The following DIABLO variants were observed in gnomAD, a reference collection of about 807,000 sequenced individuals.
DIABLO encodes the protein diablo IAP-binding mitochondrial protein.
DIABLO carries 32 observed loss-of-function variants against 31.7 expected under a neutral mutation model. That is an observed-to-expected ratio of 1.01 (90% CI 0.76 to 1.35). The LOEUF (loss-of-function observed/expected upper bound fraction) is 1.35, where lower values mean the gene tolerates loss of function less well. DIABLO is among the 40% of genes most tolerant of loss of function. The pLI is 0.00. For synonymous variants in DIABLO, 132 were observed against 103.2 expected (o/e 1.28, Z -1.69); for missense variants, 316 against 286.4 (o/e 1.10, Z -0.75).
chr12:122,210,786 GT>G (rs1365038094), intron 5 of DIABLO, among the ~76,000 whole-genome samples: 2 of 152,008 alleles, frequency 1.3e-5, no homozygotes, highest in Non-Finnish European at 2.9e-5. Flanking sequence ...AGGGGGCAAA[GT>G]TTTATATTTA....
At position 122,211,995 on chromosome 12, in the gene DIABLO, AT is replaced by A. The variant is rs34540420; in HGVS notation, c.524-3419del. ...ACTGATGTTTGAAATTATTCCTATA[AT>A]TTTTTTTTTTTTTTTTTAAATTACA... On this transcript the variant is annotated intron_variant, in intron 5 of 5. Coordinates refer to ENST00000464942, the MANE Select transcript of DIABLO (RefSeq NM_001371333.1). Among the ~76,000 whole-genome samples the A allele has an allele frequency of 4.1e-3, 579 of 139,708 alleles. 2 individuals carry two copies. Among genetic ancestry groups the A allele is most frequent in the Middle Eastern group, 7.5e-3 (2 of 268 alleles). 91.7% of individuals were successfully genotyped at this position (139,708 alleles called of 152,430 possible).
At chr12:122,223,433 TA>T (rs34214105) in intron 2 of DIABLO, among the ~76,000 whole-genome samples, 2,079 of 139,800 alleles carry the variant, frequency 0.015, 15 homozygotes, top group African/African-American at 0.035. Flanking sequence ...ACTCTGTCTT[TA>T]AAAAAAAAAA....
intron 2 of DIABLO, chr12:122,221,460 G>A (rs548579373): frequency 2.0e-5 from 3 of 152,304 alleles, no homozygotes; most frequent in East Asian, 3.9e-4. Context: ...CCAGGATGGA[G>A]TATAGTGTTG....
intron 2 of DIABLO, among the ~76,000 whole-genome samples, chr12:122,220,029 C>T (rs1260049950): frequency 5.3e-5 from 8 of 151,186 alleles, no homozygotes; most frequent in East Asian, 2.0e-4. Context: ...TTGCAACCTC[C>T]GCCTCCTGGG....
intron 3 of DIABLO, chr12:122,217,234 C>T (rs535260376): frequency 1.0e-5 from 3 of 299,186 alleles, no homozygotes; most frequent in Middle Eastern, 1.2e-3. Flanking sequence ...TTTTATTGGC[C>T]GGGTGCAGTG....
chr12:122,210,546 TA>T (rs199514169), intron 5 of DIABLO, among the ~76,000 whole-genome samples: 16 of 151,248 alleles, frequency 1.1e-4, no homozygotes, highest in East Asian at 2.0e-4. Flanking sequence ...TTTATTTATT[TA>T]TTTTTTTTAT....
At chr12:122,211,202 C>T (rs1313393848) in intron 5 of DIABLO, among the ~76,000 whole-genome samples, 1 of 147,984 alleles carries the variant, frequency 6.8e-6, no homozygotes, top group African/African-American at 2.5e-5. Flanking sequence ...GAGTTCGAGA[C>T]TAGCCTGGGC....
chr12:122,224,956 A>G (rs967327606), intron 1 of DIABLO: 1 of 706,870 alleles, frequency 1.4e-6, no homozygotes, highest in Non-Finnish European at 2.0e-6. Context: ...TGTCTATTAA[A>G]AAAAAATAAG....
At chr12:122,210,577 C>T (rs1048658143) in intron 5 of DIABLO, among the ~76,000 whole-genome samples, 1 of 150,796 alleles carries the variant, frequency 6.6e-6, no homozygotes, top group African/African-American at 2.5e-5. Flanking sequence ...GACGGGGTTT[C>T]ACCACGTTAG....
chr12:122,212,676 G>A (rs933224460), intron 5 of DIABLO, among the ~76,000 whole-genome samples: 1 of 150,992 alleles, frequency 6.6e-6, no homozygotes, highest in Non-Finnish European at 1.5e-5. Context: ...CCAGGGTGGA[G>A]TGCAGTGGTG....
chr12:122,226,201 C>G (rs1190895677), upstream of DIABLO: 2 of 929,896 alleles, frequency 2.2e-6, no homozygotes, highest in Admixed American at 4.0e-5. Context: ...AACGGCCGCG[C>G]AAGGCAACCA....
intron 5 of DIABLO, among the ~76,000 whole-genome samples, chr12:122,214,806 C>A (rs542671762): frequency 7.9e-4 from 121 of 152,286 alleles, no homozygotes; most frequent in Admixed American, 2.5e-3. Flanking sequence ...GCCTCCACCC[C>A]CTGGGTTCAA....
chr12:122,226,151 A>C, upstream of DIABLO: 3 of 1,320,634 alleles, frequency 2.3e-6, no homozygotes, highest in Non-Finnish European at 3.2e-6. Context: ...GGGATTGGGC[A>C]GGCAGGGGGA....
chr12:122,220,276 T>TA (rs542450995), intron 2 of DIABLO, among the ~76,000 whole-genome samples: 111 of 151,980 alleles, frequency 7.3e-4, no homozygotes, highest in African/African-American at 2.6e-3. Flanking sequence ...AAGGAAAGAC[T>TA]AATATAATTA....
Position 122,226,009 on chromosome 12 carries a change from C to A in DIABLO, c.6G>T (p.Ala2=). 1.2e-6 allele frequency: 2 copies of A among 1,603,676 alleles called. No individual in the cohort carries two copies. Among genetic ancestry groups the A allele is most frequent in the Non-Finnish European group, 8.5e-7 (1 of 1,176,054 alleles). ...TGCGCGACAGCCAACTCTTCAGAGC[C>A]GCCATTGTGCAGCGCGCGGACGCCA... The part of the protein sequence containing the change: M[A]ALKSWLSRSV... The change falls in exon 1 of 6, where the codon GCG becomes GCT. Residue 2 remains alanine, a synonymous_variant. Transcript: ENST00000464942.
At chr12:122,226,357 T>A, upstream of DIABLO, 1 of 573,698 alleles carries the variant, frequency 1.7e-6, no homozygotes, top group Non-Finnish European at 3.0e-6. Context: ...AATTTCCTGG[T>A]GAGTTAGGGA....
Position 122,208,366 on chromosome 12 carries a change from AGT to A in DIABLO, c.*13_*14del. The A allele has an allele frequency of 1.2e-6, 2 of 1,611,118 alleles. No individual in the cohort carries two copies. Among genetic ancestry groups the A allele is most frequent in the Non-Finnish European group, 1.7e-6 (2 of 1,179,858 alleles). On this transcript the variant is annotated 3_prime_UTR_variant, in exon 6 of 6. Transcript: ENST00000464942. ...TCCCCACTGAGTGGGGAGACAGGGC[AGT>A]GTGCTCAGGCCCTCAATCCTCACGC...
In DIABLO at chr12:122,208,026, T is replaced by C. The variant is rs758892585; in HGVS notation, c.*355A>G. 13 of 513,058 alleles carry C rather than the reference T, an allele frequency of 2.5e-5. No homozygotes were observed. Among genetic ancestry groups the C allele is most frequent in the Non-Finnish European group, 4.9e-5 (13 of 266,448 alleles). 31.8% of individuals were successfully genotyped at this position (513,058 alleles called of 1,614,324 possible). ...TCATTTTTGACGACGTAAATAAGAC[T>C]GAAAACAGGTTAAACAGTTGCTGAA... On this transcript the variant is annotated 3_prime_UTR_variant, in exon 6 of 6. Transcript: ENST00000464942.
In DIABLO at chr12:122,208,287, T is replaced by A. The variant is rs1198185973; in HGVS notation, c.*94A>T. On this transcript the variant is annotated 3_prime_UTR_variant, in exon 6 of 6. Coordinates refer to ENST00000464942, the MANE Select transcript of DIABLO (RefSeq NM_001371333.1). ...CCAGGGCAGGATCTGCCGCCTCTTC[T>A]CGGTGCACAGACAGTCATGCCAACC... is the stretch of plus-strand genomic sequence containing the variant. The A allele has an allele frequency of 6.8e-7, 1 of 1,468,000 alleles. No individual in the cohort carries two copies. Among genetic ancestry groups the A allele is most frequent in the Non-Finnish European group, 9.4e-7 (1 of 1,061,468 alleles). The allele number at this position is 1,468,000 out of a possible 1,614,324, so 90.9% of individuals were successfully genotyped here.
Sources: gnomAD v4.1 joint callset for allele counts (sites outside exome capture counted in the v4.1 genomes callset) on GRCh38, gnomAD v4.1.1 for gene constraint, MANE v1.5 for transcripts, NCBI Gene and HGNC (gene_info 2026-07-23, HGNC 2026-07-21) for gene names.